The following CDK14 variants were observed in gnomAD, a reference collection of about 807,000 sequenced individuals.
CDK14 encodes cyclin dependent kinase 14.
Under a neutral mutation model 60.7 loss-of-function variants are expected in CDK14, and 34 were observed. The ratio of observed to expected loss-of-function variants is 0.56; its 90% CI spans 0.43 to 0.75. The LOEUF (loss-of-function observed/expected upper bound fraction) is 0.75. Ranked by LOEUF, CDK14 falls within the 30% of genes least tolerant of loss-of-function variation. The pLI is 0.00. For synonymous variants in CDK14, 197 were observed against 203.7 expected, an observed-to-expected ratio of 0.97 and a Z score of 0.28; for missense variants, 482 against 564.1, an observed-to-expected ratio of 0.85 and a Z score of 1.47.
rs1359517102 is a variant in CDK14 at position 91,208,332 on chromosome 7, G to A, written c.*1196G>A. 6.6e-6 allele frequency: 1 copy of A among 152,646 alleles called. No individual in the cohort carries two copies. The highest frequency in any genetic ancestry group is 2.4e-5 in the African/African-American group (1 of 41,452). 9.5% of individuals were successfully genotyped at this position (152,646 alleles called of 1,614,324 possible). A position where few individuals can be genotyped will look rare whatever the true frequency, so the allele number is the denominator to read the frequency against. On this transcript the variant is annotated 3_prime_UTR_variant, in exon 15 of 15. Transcript: ENST00000380050. ...AAGGAGTTGAGGGACCTTGGAGGAT[G>A]AAGGCGAGTATGTGACACTGGAGAA...
intron 4 of CDK14, among the ~76,000 whole-genome samples, chr7:90,757,234 G>T (rs960212317): frequency 2.0e-5 from 3 of 146,898 alleles, no homozygotes; most frequent in Non-Finnish European, 4.5e-5. Flanking sequence ...GTGTGTGTGT[G>T]TGTGTGTGTG....
At chr7:90,758,315 G>A (rs910345500) in intron 4 of CDK14, among the ~76,000 whole-genome samples, 1 of 151,784 alleles carries the variant, frequency 6.6e-6, no homozygotes, top group Non-Finnish European at 1.5e-5. Flanking sequence ...GATGGGGGGT[G>A]GCAGTTATCA....
At chr7:91,112,830 T>G in intron 13 of CDK14, 149 bp downstream of exon 13, 1 of 735,202 alleles carries the variant, frequency 1.4e-6, no homozygotes. Flanking sequence ...CAGGTGTGTG[T>G]GTGTGTGTGT....
intron 9 of CDK14, among the ~76,000 whole-genome samples, chr7:90,978,334 A>G (rs1278622994): frequency 7.2e-5 from 11 of 152,118 alleles, no homozygotes; most frequent in Non-Finnish European, 1.5e-4. Context: ...TCAAGGGATA[A>G]TTTTAAAAAT....
chr7:91,082,958 C>T (rs1221251287), intron 12 of CDK14, among the ~76,000 whole-genome samples: 1 of 152,100 alleles, frequency 6.6e-6, no homozygotes, highest in Non-Finnish European at 1.5e-5. Flanking sequence ...CTAAAATTTT[C>T]TAACATAATA....
Position 90,734,907 on chromosome 7 carries a change from T to A in CDK14, c.369+8095T>A, listed in dbSNP as rs188295169. On this transcript the variant is annotated intron_variant, in intron 3 of 14. Coordinates refer to ENST00000380050, the MANE Select transcript of CDK14 (RefSeq NM_001287135.2). Reference sequence around the variant, plus strand: ...AGAAGAGGTGTTCTGGTTTTTGTAATTTTCAGCCTTTTTGCGCTGGTTTCT... The same window carrying A: ...AGAAGAGGTGTTCTGGTTTTTGTAAATTTCAGCCTTTTTGCGCTGGTTTCT... Among the ~76,000 whole-genome samples the A allele has an allele frequency of 3.4e-3, 516 of 152,272 alleles. 5 individuals carry two copies. Among genetic ancestry groups the A allele is most frequent in the African/African-American group, 0.012 (499 of 41,566 alleles).
intron 11 of CDK14, among the ~76,000 whole-genome samples, chr7:91,060,801 A>C (rs1175728471): frequency 6.6e-6 from 1 of 152,184 alleles, no homozygotes; most frequent in Non-Finnish European, 1.5e-5. Flanking sequence ...CTTTGTGGGT[A>C]ACCCGACCTT....
intron 5 of CDK14, among the ~76,000 whole-genome samples, chr7:90,843,101 T>TAAATTTAC (rs1271299834): frequency 2.6e-5 from 4 of 152,208 alleles, no homozygotes; most frequent in Admixed American, 2.0e-4. Flanking sequence ...GATAATTCCT[T>TAAATTTAC]AAATTTACAT....
intron 12 of CDK14, among the ~76,000 whole-genome samples, chr7:91,095,463 C>T (rs1430996170): frequency 6.6e-6 from 1 of 152,212 alleles, no homozygotes; most frequent in Non-Finnish European, 1.5e-5. Context: ...TTGAACCTAC[C>T]AATTTCACTT....
At chr7:90,735,024 A>T (rs1016519865) in intron 3 of CDK14, among the ~76,000 whole-genome samples, 1 of 151,944 alleles carries the variant, frequency 6.6e-6, no homozygotes, top group African/African-American at 2.4e-5. Context: ...GTTGATGTTG[A>T]TGCTGTTCCT....
At chr7:90,615,268 C>G (rs1799627856) in intron 2 of CDK14, among the ~76,000 whole-genome samples, 1 of 152,206 alleles carries the variant, frequency 6.6e-6, no homozygotes, top group African/African-American at 2.4e-5. Context: ...GAATATCTTT[C>G]TCCAATCTTG....
At chr7:90,774,549 T>C (rs1183286863) in intron 4 of CDK14, among the ~76,000 whole-genome samples, 1 of 152,228 alleles carries the variant, frequency 6.6e-6, no homozygotes, top group Non-Finnish European at 1.5e-5. Flanking sequence ...TCATTTTGAA[T>C]ATATTCAATG....
intron 9 of CDK14, among the ~76,000 whole-genome samples, chr7:90,978,683 A>C (rs985252786): frequency 1.2e-4 from 18 of 152,136 alleles, no homozygotes; most frequent in Non-Finnish European, 2.5e-4. Flanking sequence ...TTATTAAAAA[A>C]ATCACTCCAC....
intron 2 of CDK14, among the ~76,000 whole-genome samples, chr7:90,649,547 G>C (rs889355382): frequency 6.7e-6 from 1 of 149,576 alleles, no homozygotes; most frequent in Non-Finnish European, 1.5e-5. Flanking sequence ...TGCCATGTTG[G>C]TTTGCTGCAT....
intron 2 of CDK14, among the ~76,000 whole-genome samples, chr7:90,641,063 A>G (rs971683249): frequency 3.3e-5 from 5 of 151,694 alleles, no homozygotes; most frequent in Admixed American, 6.6e-5. Flanking sequence ...TCACAGGGAA[A>G]TTAAAATCAA....
chr7:90,818,425 C>A (rs1200885922), intron 5 of CDK14, among the ~76,000 whole-genome samples: 1 of 152,152 alleles, frequency 6.6e-6, no homozygotes, highest in Non-Finnish European at 1.5e-5. Flanking sequence ...AACTGCCAAC[C>A]ACACAAATTT....
chr7:90,849,839 C>T (rs912131138), intron 5 of CDK14, among the ~76,000 whole-genome samples: 8 of 151,926 alleles, frequency 5.3e-5, no homozygotes, highest in South Asian at 2.1e-4. Context: ...GTTAGAACAT[C>T]GTCTTCCTTT....
At position 90,915,351 on chromosome 7, in the gene CDK14, A is replaced by G. The variant is rs538783536; in HGVS notation, c.703-2250A>G. Reference sequence around the variant, plus strand: ...CTACTTGGGAAGCTGAGCCAGGAGAATGGCATGAACCCGGGAGGCAGAGGT... The same window carrying G: ...CTACTTGGGAAGCTGAGCCAGGAGAGTGGCATGAACCCGGGAGGCAGAGGT... On this transcript the variant is annotated intron_variant, in intron 7 of 14. Transcript: ENST00000380050. Among the ~76,000 whole-genome samples, 34 of 152,296 alleles carry G rather than the reference A, an allele frequency of 2.2e-4. No individual in the cohort carries two copies. In the South Asian group the frequency reaches 7.0e-3, roughly 32 times the overall value.
chr7:91,183,842 A>C (rs919701991), intron 14 of CDK14, among the ~76,000 whole-genome samples: 1 of 152,200 alleles, frequency 6.6e-6, no homozygotes, highest in Non-Finnish European at 1.5e-5. Context: ...CATTGTCTCT[A>C]TACAAATTTA....
Sources: gnomAD v4.1 joint callset for allele counts (sites outside exome capture counted in the v4.1 genomes callset) on GRCh38, gnomAD v4.1.1 for gene constraint, MANE v1.5 for transcripts, NCBI Gene and HGNC (gene_info 2026-07-23, HGNC 2026-07-21) for gene names.